MAML3: variants seen among roughly 807,000 people sequenced by gnomAD.
The protein encoded by MAML3 is mastermind like transcriptional coactivator 3.
A neutral mutation model predicts 101.9 loss-of-function variants in MAML3; 27 were observed. The observed-to-expected ratio is 0.27, with a 90% CI of 0.20 to 0.37. MAML3 has a LOEUF of 0.37. Ranked by LOEUF, MAML3 falls within the 10% of genes least tolerant of loss-of-function variation. The pLI, the probability that MAML3 is intolerant of heterozygous loss-of-function variation, is 1.00. For synonymous variants in MAML3, 501 were observed against 555.9 expected (o/e 0.90, Z 1.39); for missense variants, 1,316 against 1,444.9 (o/e 0.91, Z 1.45).
At chr4:139,989,910 G>A (rs1375954495) in intron 1 of MAML3, among the ~76,000 whole-genome samples, 3 of 149,904 alleles carry the variant, frequency 2.0e-5, no homozygotes, top group Non-Finnish European at 4.5e-5. Flanking sequence ...GAAAGAGAGA[G>A]AGAGAGATTC....
intron 2 of MAML3, among the ~76,000 whole-genome samples, chr4:139,766,257 C>T (rs1412970412): frequency 2.0e-5 from 3 of 151,996 alleles, no homozygotes; most frequent in South Asian, 2.1e-4. Context: ...CTGCAGCCTC[C>T]GCCTCCTGGG....
chr4:140,055,008 T>C (rs1727329758), intron 1 of MAML3, among the ~76,000 whole-genome samples: 1 of 152,212 alleles, frequency 6.6e-6, no homozygotes. Context: ...AAATAACAAA[T>C]TTCCTGACAC....
chr4:139,959,223 A>G (rs182533763), intron 1 of MAML3, among the ~76,000 whole-genome samples: 25 of 152,256 alleles, frequency 1.6e-4, no homozygotes, highest in Admixed American at 1.2e-3. Flanking sequence ...AAGTGGGGTA[A>G]AATCTCAGAG....
chr4:139,939,954 C>T (rs1387343919), intron 1 of MAML3, among the ~76,000 whole-genome samples: 3 of 151,982 alleles, frequency 2.0e-5, no homozygotes, highest in Admixed American at 6.6e-5. Context: ...TTAGTAGAGA[C>T]GGTGTTTCAC....
intron 1 of MAML3, among the ~76,000 whole-genome samples, chr4:140,020,159 G>C (rs1346162604): frequency 6.6e-6 from 1 of 152,038 alleles, no homozygotes; most frequent in Non-Finnish European, 1.5e-5. Context: ...TATTACAATG[G>C]TCATTACCTG....
In MAML3 at chr4:140,004,186, C is replaced by T. The variant is rs1726397238; in HGVS notation, c.469-113219G>A. Among the ~76,000 whole-genome samples the T allele has an allele frequency of 2.0e-5, 3 of 152,202 alleles. No homozygotes were observed. The South Asian group carries it at 6.2e-4, about 32-fold the overall frequency. ...CAAGGCATTTGTTGTCACACTTTGT[C>T]TCATATTAACAATGGCACAGAAGGC... On this transcript the variant is annotated intron_variant, in intron 1 of 4. Coordinates refer to ENST00000509479, the MANE Select transcript of MAML3 (RefSeq NM_018717.5).
At chr4:139,765,745 C>T (rs999778340) in intron 2 of MAML3, among the ~76,000 whole-genome samples, 13 of 152,034 alleles carry the variant, frequency 8.6e-5, no homozygotes, top group Non-Finnish European at 1.5e-4. Context: ...CTCAGCACTT[C>T]GGGAGGCTGA....
At chr4:139,898,877 C>T (rs1732662755) in intron 1 of MAML3, among the ~76,000 whole-genome samples, 1 of 152,162 alleles carries the variant, frequency 6.6e-6, no homozygotes, top group Non-Finnish European at 1.5e-5. Flanking sequence ...CAAAACATTT[C>T]CAGAACTGTC....
intron 1 of MAML3, among the ~76,000 whole-genome samples, chr4:140,016,981 T>C (rs1726652130): frequency 6.6e-6 from 1 of 152,232 alleles, no homozygotes; most frequent in East Asian, 1.9e-4. Flanking sequence ...AAAAATCTTT[T>C]GTTCTGTGAC....
intron 1 of MAML3, among the ~76,000 whole-genome samples, chr4:140,108,266 C>A (rs1728383976): frequency 6.6e-6 from 1 of 151,948 alleles, no homozygotes; most frequent in Non-Finnish European, 1.5e-5. Flanking sequence ...CTTTTAATAA[C>A]CTGCTCTACC....
At chr4:139,891,121 C>T (rs998836167) in intron 1 of MAML3, among the ~76,000 whole-genome samples, 154 bp from the exon 2 acceptor site, 1 of 152,116 alleles carries the variant, frequency 6.6e-6, no homozygotes, top group African/African-American at 2.4e-5. Flanking sequence ...GGCAACGCTG[C>T]AATTCAAATT....
At chr4:139,767,485 TTTC>T (rs1430323148) in intron 2 of MAML3, among the ~76,000 whole-genome samples, 3 of 152,226 alleles carry the variant, frequency 2.0e-5, no homozygotes, top group Non-Finnish European at 4.4e-5. Context: ...TGCTTCCTTT[TTTC>T]TTCTTCTTGA....
At chr4:140,068,521 A>T (rs1194010426) in intron 1 of MAML3, among the ~76,000 whole-genome samples, 1 of 152,188 alleles carries the variant, frequency 6.6e-6, no homozygotes, top group Non-Finnish European at 1.5e-5. Flanking sequence ...GAATGCAAAC[A>T]AGCACTGTTC....
At chr4:139,842,763 T>TTC in intron 2 of MAML3, among the ~76,000 whole-genome samples, 1 of 26,238 alleles carries the variant, frequency 3.8e-5, no homozygotes, top group Non-Finnish European at 7.9e-5. Context: ...TCCGCTTGCC[T>TTC]TTTTTTTTTT....
In MAML3 at chr4:139,968,659, C is replaced by T. The variant is rs1334124920; in HGVS notation, c.469-77692G>A. 3.9e-5 allele frequency among the ~76,000 whole-genome samples: 6 copies of T among 152,242 alleles called. No homozygotes were observed. The East Asian group carries it at 9.7e-4, about 25-fold the overall frequency. On this transcript the variant is annotated intron_variant, in intron 1 of 4. Transcript: ENST00000509479. Reference sequence around the variant, plus strand: ...TAGGCCCATTTTACAGATGAGGACACTAAGGCACAAGGAGGTCAAGTACTC... The same window carrying T: ...TAGGCCCATTTTACAGATGAGGACATTAAGGCACAAGGAGGTCAAGTACTC...
intron 1 of MAML3, among the ~76,000 whole-genome samples, chr4:140,072,470 A>G (rs544588091): frequency 8.0e-4 from 122 of 152,286 alleles, no homozygotes; most frequent in African/African-American, 2.9e-3. Context: ...CAGGAGTTCA[A>G]GACCACCCTG....
rs1047464079 is a variant in MAML3, at chr4:139,890,729, G to A, written c.707C>T (p.Thr236Ile). ...SLPLQNSGTH[T>I]PGLLEDLSKN... is the part of the protein sequence containing the mutation. ...ACTTAGATCTTCTAGAAGCCCAGGA[G>A]TGTGAGTTCCACTGTTCTGCAAGGG... Residue 236 changes from threonine (T) to isoleucine (I), a missense_variant, in exon 2 of 5, where the codon ACT becomes ATT. Thr to Ile is a moderately conservative substitution (Grantham distance 89). Coordinates refer to ENST00000509479, the MANE Select transcript of MAML3 (RefSeq NM_018717.5). This position sits in a 1 kb window ranked among gnomAD's most constrained non-coding sequence, Gnocchi z 4.1. 1 of 1,614,062 alleles carries A rather than the reference G, an allele frequency of 6.2e-7. No individual in the cohort carries two copies. Among genetic ancestry groups the A allele is most frequent in the African/African-American group, 1.3e-5 (1 of 75,066 alleles).
At position 140,153,628 on chromosome 4, in the gene MAML3, G is replaced by C; in HGVS notation, c.-301C>G. 2.7e-6 allele frequency: 1 copy of C among 365,764 alleles called. No homozygotes were observed. Among genetic ancestry groups the C allele is most frequent in the Non-Finnish European group, 4.9e-6 (1 of 205,054 alleles). 22.7% of individuals were successfully genotyped at this position (365,764 alleles called of 1,614,324 possible). On this transcript the variant is annotated 5_prime_UTR_variant, in exon 1 of 5. Transcript: ENST00000509479. ...AACAAACTGAGCCAGCAGCAAATCG[G>C]GTTGCAACTCAAGGGGAGATCCGCT...
At position 139,725,634 on chromosome 4, in the gene MAML3, A is replaced by G. The variant is rs1728438531; in HGVS notation, c.2416+117T>C. 1.8e-5 allele frequency: 18 copies of G among 985,380 alleles called. No individual in the cohort carries two copies. The South Asian group carries it at 2.2e-4, about 12-fold the overall frequency. 61.0% of individuals were successfully genotyped at this position (985,380 alleles called of 1,614,324 possible). A position where few individuals can be genotyped will look rare whatever the true frequency, so the allele number is the denominator to read the frequency against. On this transcript the variant is annotated intron_variant, in intron 4 of 4. Transcript: ENST00000509479. ...GTACTCTTAACCTACCAGTAGTTACATATTTTGAGTATTTCCTGGACACAA... is the reference window on the plus strand; with the variant it reads ...GTACTCTTAACCTACCAGTAGTTACGTATTTTGAGTATTTCCTGGACACAA...
Sources: gnomAD v4.1 joint callset for allele counts (sites outside exome capture counted in the v4.1 genomes callset) on GRCh38, gnomAD v4.1.1 for gene constraint, Gnocchi (gnomAD v3.1) non-coding constraint, MANE v1.5 for transcripts, NCBI Gene and HGNC (gene_info 2026-07-23, HGNC 2026-07-21) for gene names.